Variants in NPAS3 observed in about 807,000 individuals in gnomAD.
NPAS3 encodes the protein neuronal PAS domain-containing protein 3.
A neutral mutation model predicts 73.1 loss-of-function variants in NPAS3; 14 were observed. The ratio of observed to expected loss-of-function variants is 0.19; its 90% confidence interval spans 0.13 to 0.30. The LOEUF (loss-of-function observed/expected upper bound fraction) is 0.30. NPAS3 is among the 10% of genes least tolerant of loss of function. NPAS3 has a pLI of 1.00. For synonymous variants in NPAS3, 620 were observed against 541.5 expected (o/e 1.14, Z -2.01); for missense variants, 1,096 against 1,250.0 (o/e 0.88, Z 1.86).
intron 3 of NPAS3, among the ~76,000 whole-genome samples, chr14:33,362,697 C>T (rs1424051238): frequency 6.6e-6 from 1 of 152,078 alleles, no homozygotes; most frequent in Non-Finnish European, 1.5e-5. Context: ...GGCATGAAGC[C>T]TGCCTTTTTG....
At chr14:33,363,078 G>A (rs182779572) in intron 3 of NPAS3, among the ~76,000 whole-genome samples, 100 of 152,216 alleles carry the variant, frequency 6.6e-4, no homozygotes, top group South Asian at 6.2e-3. Flanking sequence ...TGTGTCCACC[G>A]AGCTGTCCTG....
At chr14:33,353,326 C>T (rs1015328173) in intron 3 of NPAS3, among the ~76,000 whole-genome samples, 7 of 152,136 alleles carry the variant, frequency 4.6e-5, no homozygotes, top group African/African-American at 1.4e-4. Context: ...TAATCACTTG[C>T]AATACTTGCC....
intron 3 of NPAS3, among the ~76,000 whole-genome samples, chr14:33,281,015 CTGTAACTGGA>C (rs2041580525): frequency 6.6e-6 from 1 of 152,190 alleles, no homozygotes; most frequent in East Asian, 1.9e-4. Flanking sequence ...TGACTTTTGT[CTGTAACTGGA>C]TTTGTGCCTC....
chr14:33,374,707 G>GA (rs1491257691), intron 4 of NPAS3, among the ~76,000 whole-genome samples: 1 of 135,374 alleles, frequency 7.4e-6, no homozygotes, highest in African/African-American at 2.8e-5. Context: ...GTCGGGGCGG[G>GA]GGGGGGAGTA....
chr14:33,170,076 T>C (rs892255769), intron 2 of NPAS3, among the ~76,000 whole-genome samples: 3 of 152,298 alleles, frequency 2.0e-5, no homozygotes, highest in South Asian at 4.2e-4. Context: ...GATAATTTCT[T>C]AAATGTGAGT....
chr14:33,297,097 AC>A (rs1449118899), intron 3 of NPAS3, among the ~76,000 whole-genome samples: 2 of 152,192 alleles, frequency 1.3e-5, no homozygotes, highest in African/African-American at 2.4e-5. Flanking sequence ...TAAACTGAAA[AC>A]ATAACTAGAA....
intron 2 of NPAS3, among the ~76,000 whole-genome samples, chr14:33,092,192 C>A (rs1282851052): frequency 6.6e-6 from 1 of 152,198 alleles, no homozygotes; most frequent in Non-Finnish European, 1.5e-5. Context: ...TCCCTGTTTG[C>A]AGATGACATG....
intron 2 of NPAS3, among the ~76,000 whole-genome samples, chr14:33,180,677 T>A (rs571545613): frequency 4.0e-5 from 6 of 151,282 alleles, no homozygotes; most frequent in Admixed American, 6.6e-5. Context: ...TGGGCGCCTG[T>A]AATCCCAGCT....
At chr14:32,994,879 G>A (rs567863353) in intron 1 of NPAS3, among the ~76,000 whole-genome samples, 2 of 152,248 alleles carry the variant, frequency 1.3e-5, no homozygotes, top group East Asian at 1.9e-4. Flanking sequence ...TGATCCACCC[G>A]CCTTGGCCTT....
In NPAS3 at chr14:33,794,060, C is replaced by T; in HGVS notation, c.1301+16C>T. 6.2e-7 allele frequency: 1 copy of T among 1,604,806 alleles called. No individual in the cohort carries two copies. Among genetic ancestry groups the T allele is most frequent in the East Asian group, 2.2e-5 (1 of 44,824 alleles). On this transcript the variant is annotated intron_variant, in intron 10 of 11. Coordinates refer to ENST00000356141, the Ensembl canonical transcript of NPAS3. ...ACCTTCTTAGGTATATTTTCTACTT[C>T]TTTTCTATTTCTGTCCTGGTTATAA...
At chr14:33,540,354 A>G (rs1316071627) in intron 4 of NPAS3, among the ~76,000 whole-genome samples, 1 of 152,146 alleles carries the variant, frequency 6.6e-6, no homozygotes, top group African/African-American at 2.4e-5. Context: ...AGATAAATGG[A>G]CTGTACTCAA....
chr14:33,199,078 C>T (rs2046505827), intron 2 of NPAS3, among the ~76,000 whole-genome samples: 1 of 152,114 alleles, frequency 6.6e-6, no homozygotes, highest in Admixed American at 6.5e-5. Flanking sequence ...CTTGCGCTGG[C>T]CTGCGAGCTC....
chr14:33,466,550 T>C (rs1435953036), intron 4 of NPAS3, among the ~76,000 whole-genome samples: 1 of 152,200 alleles, frequency 6.6e-6, no homozygotes, highest in Non-Finnish European at 1.5e-5. Context: ...CTCACATTGC[T>C]GTAAAGAAAT....
chr14:33,020,137 G>A (rs2138251591), intron 1 of NPAS3, among the ~76,000 whole-genome samples: 1 of 152,280 alleles, frequency 6.6e-6, no homozygotes, highest in South Asian at 2.1e-4. Context: ...TTAAAAATGG[G>A]TATGTCTTGA....
chr14:33,551,635 C>T (rs1303486503), intron 4 of NPAS3, among the ~76,000 whole-genome samples: 1 of 152,298 alleles, frequency 6.6e-6, no homozygotes, highest in East Asian at 1.9e-4. Context: ...GAATGAAAAA[C>T]TCTGGGACAG....
chr14:33,713,891 G>A (rs1413182543), intron 6 of NPAS3, among the ~76,000 whole-genome samples: 1 of 152,118 alleles, frequency 6.6e-6, no homozygotes, highest in East Asian at 1.9e-4. Flanking sequence ...AAACTCTGCT[G>A]TGTCCACATT....
At chr14:33,135,044 C>A (rs1164851635) in intron 2 of NPAS3, among the ~76,000 whole-genome samples, 1 of 152,056 alleles carries the variant, frequency 6.6e-6, no homozygotes, top group Non-Finnish European at 1.5e-5. Context: ...TTATGTCTCG[C>A]CAATTATTAA....
intron 4 of NPAS3, among the ~76,000 whole-genome samples, chr14:33,547,452 C>A (rs529138388): frequency 9.7e-4 from 147 of 152,286 alleles, no homozygotes; most frequent in South Asian, 2.9e-3. Context: ...TCATTATACA[C>A]CCCCTGAGTC....
chr14:33,343,601 C>T (rs1363217807), intron 3 of NPAS3, among the ~76,000 whole-genome samples: 1 of 152,150 alleles, frequency 6.6e-6, no homozygotes, highest in Non-Finnish European at 1.5e-5. Context: ...GAACATTCTT[C>T]GGATTCAGCT....
Sources: gnomAD v4.1 joint callset for allele counts (sites outside exome capture counted in the v4.1 genomes callset) on GRCh38, gnomAD v4.1.1 for gene constraint, MANE v1.5 for transcripts, NCBI Gene and HGNC (gene_info 2026-07-23, HGNC 2026-07-21) for gene names.